ATRNL1: variants seen among roughly 807,000 people sequenced by gnomAD.
ATRNL1 encodes the protein attractin like 1, also known as attractin-like protein 1.
In ATRNL1, 95 loss-of-function variants were observed where a neutral mutation model predicts 182.7. The observed-to-expected ratio is 0.52, with a 90% CI of 0.44 to 0.62. The LOEUF (loss-of-function observed/expected upper bound fraction) is 0.62, where lower values mean the gene tolerates loss of function less well. Ranked by LOEUF, ATRNL1 falls within the 20% of genes least tolerant of loss-of-function variation. ATRNL1 has a pLI of 0.00. For synonymous variants in ATRNL1, 576 were observed against 568.3 expected (o/e 1.01, Z -0.19); for missense variants, 1,471 against 1,679.5 (o/e 0.88, Z 2.17).
chr10:115,281,343 T>C lies in ATRNL1; in HGVS notation c.2101-12T>C. 1.9e-6 allele frequency: 3 copies of C among 1,606,306 alleles called. No individual in the cohort carries two copies. The highest frequency in any genetic ancestry group is 2.5e-6 in the Non-Finnish European group (3 of 1,176,606). ...CAAAGGTGAAAAATAACATGCTCTT[T>C]TAATTTTGTAGTCTGTCAAGAACTA... On this transcript the variant is annotated splice_polypyrimidine_tract_variant and intron_variant, in intron 13 of 28. Coordinates refer to ENST00000355044, the MANE Select transcript of ATRNL1 (RefSeq NM_207303.4).
intron 21 of ATRNL1, among the ~76,000 whole-genome samples, chr10:115,435,238 C>T (rs1318943860): frequency 6.6e-6 from 1 of 152,022 alleles, no homozygotes; most frequent in Non-Finnish European, 1.5e-5. Flanking sequence ...CCAGGATGGT[C>T]TTGATCTCCT....
chr10:115,600,929 CTTT>C lies in ATRNL1; in HGVS notation c.3795+51409_3795+51411del, dbSNP rs58476140. On this transcript the variant is annotated intron_variant, in intron 26 of 28. Transcript: ENST00000355044. ...AGTAAGGATTGAGGTTTTTTATTTT[CTTT>C]TTTTTTTTTTTTTTTGCCCTGTATG... Among the ~76,000 whole-genome samples the C allele has an allele frequency of 7.7e-3, 1,005 of 129,882 alleles. 3 individuals are homozygous for C. Among genetic ancestry groups the C allele is most frequent in the African/African-American group, 0.022 (826 of 37,330 alleles). The allele number at this position is 129,882 out of a possible 152,430, so 85.2% of individuals were successfully genotyped here. A position where few individuals can be genotyped will look rare whatever the true frequency, so the allele number is the denominator to read the frequency against.
chr10:115,587,032 C>T (rs1436299554), intron 26 of ATRNL1, among the ~76,000 whole-genome samples: 1 of 148,884 alleles, frequency 6.7e-6, no homozygotes, highest in Non-Finnish European at 1.5e-5. Context: ...GTCAGTCTGC[C>T]CCTACTGGGG....
At chr10:115,325,965 C>A (rs1325643104) in intron 18 of ATRNL1, among the ~76,000 whole-genome samples, 6 of 151,640 alleles carry the variant, frequency 4.0e-5, no homozygotes, top group Non-Finnish European at 7.4e-5. Flanking sequence ...CCATTTCTTA[C>A]TTTAAATCTT....
chr10:115,568,786 T>C (rs1036578566), intron 26 of ATRNL1, among the ~76,000 whole-genome samples: 1 of 151,964 alleles, frequency 6.6e-6, no homozygotes, highest in Admixed American at 6.6e-5. Flanking sequence ...AGTTATAAAT[T>C]AAAAAGTTTC....
At chr10:115,773,224 C>CA (rs530226563) in intron 27 of ATRNL1, among the ~76,000 whole-genome samples, 1 of 152,030 alleles carries the variant, frequency 6.6e-6, no homozygotes. Context: ...AATCCATTCC[C>CA]AAAAAATTTC....
intron 11 of ATRNL1, among the ~76,000 whole-genome samples, chr10:115,265,695 G>A (rs1173732151): frequency 6.6e-6 from 1 of 151,740 alleles, no homozygotes; most frequent in African/African-American, 2.4e-5. Context: ...TACTAAATGT[G>A]TGATTTTTGA....
At chr10:115,390,653 T>C (rs1554954136) in intron 19 of ATRNL1, among the ~76,000 whole-genome samples, 1 of 152,198 alleles carries the variant, frequency 6.6e-6, no homozygotes, top group Non-Finnish European at 1.5e-5. Context: ...TTAATTTCCA[T>C]ATGAATTTTA....
chr10:115,609,472 A>C (rs2133960987), intron 26 of ATRNL1, among the ~76,000 whole-genome samples: 1 of 152,328 alleles, frequency 6.6e-6, no homozygotes, highest in East Asian at 1.9e-4. Flanking sequence ...TAGAGTTAAA[A>C]ACTATTAAAT....
intron 27 of ATRNL1, among the ~76,000 whole-genome samples, chr10:115,742,884 A>C (rs1253314945): frequency 2.0e-5 from 3 of 152,072 alleles, no homozygotes; most frequent in South Asian, 2.1e-4. Flanking sequence ...CATACCCCAG[A>C]CTGGGTAATT....
chr10:115,620,510 C>T (rs994483061), intron 26 of ATRNL1, among the ~76,000 whole-genome samples: 1 of 152,122 alleles, frequency 6.6e-6, no homozygotes, highest in Non-Finnish European at 1.5e-5. Context: ...AAATATAAAA[C>T]TGTCTGGCCA....
At chr10:115,512,683 A>T (rs1299718961) in intron 24 of ATRNL1, among the ~76,000 whole-genome samples, 1 of 151,948 alleles carries the variant, frequency 6.6e-6, no homozygotes, top group Admixed American at 6.6e-5. Context: ...CTTACATTTT[A>T]GTGGGGAAAA....
At chr10:115,831,772 T>TTTG (rs60854075) in intron 27 of ATRNL1, among the ~76,000 whole-genome samples, 39,135 of 151,902 alleles carry the variant, frequency 0.26, 5,814 homozygotes, top group African/African-American at 0.41. Context: ...AGTGAGTTTT[T>TTTG]TTTTTTCAAG....
intron 19 of ATRNL1, among the ~76,000 whole-genome samples, chr10:115,364,890 A>C (rs1400743512): frequency 1.1e-4 from 17 of 151,236 alleles, no homozygotes; most frequent in Non-Finnish European, 2.2e-4. Context: ...ATGGTGGATA[A>C]GCTTTTTGAT....
At position 115,370,111 on chromosome 10, in the gene ATRNL1, C is replaced by A. The variant is rs541722179; in HGVS notation, c.3176-24548C>A. 7.9e-5 allele frequency among the ~76,000 whole-genome samples: 12 copies of A among 152,300 alleles called. No homozygotes were observed. In the East Asian group the frequency reaches 2.1e-3, roughly 27 times the overall value. ...CAAAATCTTTTATCTTGTCTGCCAC[C>A]ATGTGAGATGTGCCTTTCACATTCT... On this transcript the variant is annotated intron_variant, in intron 19 of 28. Coordinates refer to ENST00000355044, the MANE Select transcript of ATRNL1 (RefSeq NM_207303.4).
chr10:115,290,818 T>C (rs1554920611), intron 15 of ATRNL1, among the ~76,000 whole-genome samples: 2 of 152,200 alleles, frequency 1.3e-5, no homozygotes, highest in Admixed American at 6.5e-5. Flanking sequence ...CTGATTTACA[T>C]AGAGCCCAAA....
chr10:115,495,181 T>G (rs530248434), intron 24 of ATRNL1, among the ~76,000 whole-genome samples: 1 of 152,292 alleles, frequency 6.6e-6, no homozygotes, highest in East Asian at 1.9e-4. Flanking sequence ...TGTAGTGTTA[T>G]GTTTGTCATT....
At chr10:115,810,154 CAT>C (rs1387327075) in intron 27 of ATRNL1, among the ~76,000 whole-genome samples, 3 of 151,830 alleles carry the variant, frequency 2.0e-5, no homozygotes, top group East Asian at 1.9e-4. Context: ...CTTGTCATGA[CAT>C]ATGTTTTTTG....
At chr10:115,568,390 G>T (rs1480533683) in intron 26 of ATRNL1, among the ~76,000 whole-genome samples, 2 of 151,946 alleles carry the variant, frequency 1.3e-5, no homozygotes, top group African/African-American at 4.8e-5. Flanking sequence ...TTGAAAAGAG[G>T]ATGCCCAATT....
Sources: allele counts gnomAD v4.1 joint callset (sites outside exome capture counted in the v4.1 genomes callset), GRCh38; gene constraint gnomAD v4.1.1; transcripts MANE v1.5; gene names NCBI Gene and HGNC (gene_info 2026-07-23, HGNC 2026-07-21).